CIP2A: variants seen among roughly 807,000 people sequenced by gnomAD.
The protein encoded by CIP2A is protein CIP2A.
CIP2A carries 103 observed loss-of-function variants against 110.9 expected under a neutral mutation model. That is an observed-to-expected ratio of 0.93 (90% confidence interval 0.79 to 1.09). The LOEUF is 1.09. CIP2A is among the 50% of genes least tolerant of loss of function. CIP2A has a pLI of 0.00. For missense variants in CIP2A, 1,088 were observed against 1,038.4 expected (o/e 1.05, Z -0.66); for synonymous variants, 381 against 361.6 (o/e 1.05, Z -0.61).
chr3:108,557,832 T>A (rs1358024145), intron 16 of CIP2A, among the ~76,000 whole-genome samples: 2 of 152,084 alleles, frequency 1.3e-5, no homozygotes, highest in African/African-American at 4.8e-5. Context: ...ATCAAACACT[T>A]AAAATTAAGC....
intron 3 of CIP2A, 89 bp from the exon 4 acceptor site, chr3:108,582,291 C>T: frequency 1.9e-6 from 1 of 514,006 alleles, no homozygotes; most frequent in Non-Finnish European, 3.4e-6. Context: ...CTGAGCATGT[C>T]CTTTTCCATT....
At chr3:108,577,214 T>C (rs904679677) in intron 7 of CIP2A, among the ~76,000 whole-genome samples, 1 of 152,158 alleles carries the variant, frequency 6.6e-6, no homozygotes, top group Non-Finnish European at 1.5e-5. Flanking sequence ...TTGTTAGGGA[T>C]CAGATTTTGA....
At chr3:108,568,767 T>C (rs1938273006) in intron 9 of CIP2A, among the ~76,000 whole-genome samples, 1 of 152,032 alleles carries the variant, frequency 6.6e-6, no homozygotes, top group South Asian at 2.1e-4. Flanking sequence ...ATAGAAAATT[T>C]TGTGAATAAT....
rs116933854 is a variant in CIP2A at position 108,561,154 on chromosome 3, T to C, written c.1635-313A>G. On this transcript the variant is annotated intron_variant, in intron 13 of 20. Coordinates refer to ENST00000295746, the MANE Select transcript of CIP2A (RefSeq NM_020890.3). The stretch of plus-strand genomic sequence containing the variant: ...GGTACTGGTCAGAATAATGTTCTTA[T>C]CATGGGTGATATCACCTGGCCTTTA... 7.4e-4 allele frequency among the ~76,000 whole-genome samples: 113 copies of C among 152,242 alleles called. No homozygotes were observed. The East Asian group carries it at 0.019, about 25-fold the overall frequency.
At position 108,569,504 on chromosome 3, in the gene CIP2A, C is replaced by G; in HGVS notation, c.998G>C (p.Ser333Thr). 6.2e-7 allele frequency: 1 copy of G among 1,612,828 alleles called. No individual in the cohort carries two copies. The highest frequency in any genetic ancestry group is 8.5e-7 in the Non-Finnish European group (1 of 1,179,348). The change falls in exon 9 of 21, where the codon AGC (serine) becomes ACC (threonine). Residue 333 changes from serine to threonine, a missense_variant. Ser to Thr is a moderately conservative substitution (Grantham distance 58, BLOSUM62 1). Transcript: ENST00000295746. The stretch of plus-strand genomic sequence containing the variant: ...AGTAGGTTCTAAACATTTAGTATGG[C>G]TTCCCAGAGTGGCGCTGCCAGGTGG... ...QSPPGSATLG[S>T]HTKCLEPTVA...
chr3:108,562,737 T>G (rs1248531628), intron 13 of CIP2A, among the ~76,000 whole-genome samples: 1 of 152,102 alleles, frequency 6.6e-6, no homozygotes, highest in Non-Finnish European at 1.5e-5. Flanking sequence ...ATCGTTCTCA[T>G]GGATAACCCA....
At chr3:108,586,663 C>T (rs565200560) in intron 1 of CIP2A, among the ~76,000 whole-genome samples, 260 of 152,198 alleles carry the variant, frequency 1.7e-3, no homozygotes, top group Non-Finnish European at 3.0e-3. Flanking sequence ...AAGGTAGGTA[C>T]CACTATTTTG....
intron 18 of CIP2A, among the ~76,000 whole-genome samples, 166 bp from the exon 19 acceptor site, chr3:108,553,896 T>TAAAAAAAAAAAAAAA (rs71103478): frequency 1.2e-5 from 1 of 84,190 alleles, no homozygotes; most frequent in African/African-American, 4.4e-5. Flanking sequence ...ACTAAAAATA[T>TAAAAAAAAAAAAAAA]AAAAAAAAAA....
At chr3:108,569,364 G>C in intron 9 of CIP2A, 25 bp downstream of exon 9, 1 of 1,536,726 alleles carries the variant, frequency 6.5e-7, no homozygotes, top group Middle Eastern at 1.7e-4. Flanking sequence ...AAGTAGAAAA[G>C]TCAATCTGTC....
At chr3:108,556,727 A>AT (rs1937816437) in intron 17 of CIP2A, among the ~76,000 whole-genome samples, 1 of 152,210 alleles carries the variant, frequency 6.6e-6, no homozygotes. Context: ...ATATTAAGAG[A>AT]TGAGTTAAAC....
chr3:108,551,822 A>C (rs531257136), intron 20 of CIP2A, among the ~76,000 whole-genome samples: 24 of 152,258 alleles, frequency 1.6e-4, no homozygotes, highest in African/African-American at 5.8e-4. Flanking sequence ...TCAGATTCAG[A>C]ATATATACCT....
In CIP2A at chr3:108,556,889, G is replaced by A. The variant is rs1171258489; in HGVS notation, c.2210+329C>T. The stretch of plus-strand genomic sequence containing the variant: ...TATTAATGAAGTGCCTAACTATGCA[G>A]CAAGCACTCCTACAGGCCCTAGGGA... On this transcript the variant is annotated intron_variant, in intron 17 of 20. Coordinates refer to ENST00000295746, the MANE Select transcript of CIP2A (RefSeq NM_020890.3). 2.0e-5 allele frequency among the ~76,000 whole-genome samples: 3 copies of A among 152,206 alleles called. No individual in the cohort carries two copies. In the East Asian group the frequency reaches 5.8e-4, roughly 29 times the overall value.
chr3:108,579,577 C>T lies in CIP2A; in HGVS notation c.661G>A (p.Val221Met). The T allele has an allele frequency of 6.3e-7, 1 of 1,590,540 alleles. No individual in the cohort carries two copies. The highest frequency in any genetic ancestry group is 8.6e-7 in the Non-Finnish European group (1 of 1,166,156). The change falls in exon 6 of 21, where the codon GTG becomes ATG. Residue 221 changes from valine (V) to methionine (M), a missense_variant. Physicochemically the swap from Val to Met is conservative, Grantham distance 21. Transcript: ENST00000295746. Reference protein sequence around the residue: ...ILSSLTLNEEVGEKLFHARNI... With the variant: ...ILSSLTLNEEMGEKLFHARNI... ...AAAATTGTATTTACCTTTTCCCCCA[C>T]CTCTTCATTTAATGTCAAACTGGAT...
chr3:108,569,279 T>G, intron 9 of CIP2A, 110 bp downstream of exon 9: 1 of 766,888 alleles, frequency 1.3e-6, no homozygotes, highest in South Asian at 1.7e-5. Context: ...GTAATTGAGA[T>G]GTTTTCCTCA....
At chr3:108,566,742 A>G (rs539089186) in intron 10 of CIP2A, 104 bp from the exon 11 acceptor site, 1 of 649,398 alleles carries the variant, frequency 1.5e-6, no homozygotes, top group South Asian at 2.9e-5. Context: ...GTCATCCAGT[A>G]TAATTATTGT....
Position 108,563,165 on chromosome 3 carries a change from A to G in CIP2A, c.1595T>C (p.Leu532Ser). ...REQVQSGLRI[L>S]LEAAPLPDFP... is the part of the protein sequence containing the mutation. ...ATCTGGCAGTGGAGCAGCCTCCAAT[A>G]ATATTCTCAGTCCAGACTGTACTTG... The change falls in exon 13 of 21, where the codon TTA becomes TCA. Residue 532 changes from leucine (L) to serine (S), a missense_variant. By Grantham distance (145) the Leu-to-Ser change is moderately radical. Transcript: ENST00000295746. 2 of 1,612,748 alleles carry G rather than the reference A, an allele frequency of 1.2e-6. No homozygotes were observed. The highest frequency in any genetic ancestry group is 1.7e-6 in the Non-Finnish European group (2 of 1,178,986).
intron 8 of CIP2A, among the ~76,000 whole-genome samples, chr3:108,575,271 T>C (rs887120064): frequency 1.1e-4 from 16 of 151,458 alleles, no homozygotes; most frequent in African/African-American, 3.6e-4. Flanking sequence ...CATGTGTATA[T>C]ACACACACAC....
In CIP2A at chr3:108,552,353, CTTTTG is replaced by C. The variant is rs747553839; in HGVS notation, c.2423_2427del (p.Thr808SerfsTer7). ...AAGGTTTTAATCTTTTCTTCTTGTACTTTTGTTTTTTGATGCAAATCTTAAAAGAA... is the reference window on the plus strand; with the variant it reads ...AAGGTTTTAATCTTTTCTTCTTGTACTTTTTTGATGCAAATCTTAAAAGAA... On this transcript the variant is annotated frameshift_variant, in exon 20 of 21. Transcript: ENST00000295746. LOFTEE classifies it high-confidence loss of function. 58 of 1,535,526 alleles carry C rather than the reference CTTTTG, an allele frequency of 3.8e-5. No individual in the cohort carries two copies. Among genetic ancestry groups the C allele is most frequent in the Admixed American group, 2.0e-4 (9 of 45,630 alleles).
chr3:108,574,091 C>T (rs1011989861), intron 8 of CIP2A, among the ~76,000 whole-genome samples: 2 of 152,018 alleles, frequency 1.3e-5, no homozygotes, highest in Non-Finnish European at 2.9e-5. Context: ...AGTAAAAAGG[C>T]AACTCACAGA....
Sources: gnomAD v4.1 joint callset for allele counts (sites outside exome capture counted in the v4.1 genomes callset) on GRCh38, gnomAD v4.1.1 for gene constraint, MANE v1.5 for transcripts, NCBI Gene and HGNC (gene_info 2026-07-23, HGNC 2026-07-21) for gene names.